ADAM20: variants seen among roughly 807,000 people sequenced by gnomAD.
ADAM20 encodes the protein disintegrin and metalloproteinase domain-containing protein 20.
For synonymous variants in ADAM20, 305 were observed against 310.2 expected (o/e 0.98, Z 0.18); for missense variants, 871 against 883.2 (o/e 0.99, Z 0.18).
chr14:70,558,476 T>G, the ADAM20 span, among the ~76,000 whole-genome samples: 1 of 152,120 alleles, frequency 6.6e-6, no homozygotes, highest in Non-Finnish European at 1.5e-5. Flanking sequence ...CTGTGTGTTA[T>G]ACATGTATGA....
At chr14:70,574,221 C>G in the ADAM20 span, among the ~76,000 whole-genome samples, 3 of 152,118 alleles carry the variant, frequency 2.0e-5, no homozygotes, top group African/African-American at 7.2e-5. Flanking sequence ...AATTAATACT[C>G]CTGAACTACC....
chr14:70,529,625 G>A (rs1468991307), intron 1 of ADAM20, among the ~76,000 whole-genome samples: 1 of 152,122 alleles, frequency 6.6e-6, no homozygotes, highest in East Asian at 1.9e-4. Context: ...AAGTATTTGT[G>A]TATATAAACA....
the ADAM20 span, among the ~76,000 whole-genome samples, chr14:70,553,812 A>T: frequency 6.6e-6 from 1 of 152,104 alleles, no homozygotes; most frequent in Non-Finnish European, 1.5e-5. Context: ...ACCATATATG[A>T]CAGACCCACA....
chr14:70,571,314 G>C, the ADAM20 span, among the ~76,000 whole-genome samples: 2 of 152,164 alleles, frequency 1.3e-5, no homozygotes, highest in African/African-American at 2.4e-5. Flanking sequence ...TGAATCATGG[G>C]GGTGGTTACC....
chr14:70,569,639 A>G, the ADAM20 span, among the ~76,000 whole-genome samples: 1 of 152,170 alleles, frequency 6.6e-6, no homozygotes, highest in Non-Finnish European at 1.5e-5. Context: ...TGTAGCACAT[A>G]AAACAGACTT....
rs773132300 is a variant in ADAM20, at chr14:70,523,731, C to G, written c.1027G>C (p.Glu343Gln). The stretch of plus-strand genomic sequence containing the variant: ...TGCATACCCAAATTATGACCAAGCT[C>G]GTGGCCCAAAGTAATTGCAAAAACG... ...LVVFAITLGH[E>Q]LGHNLGMQHD... is the part of the protein sequence containing the mutation. Residue 343 changes from glutamate (E) to glutamine (Q), a missense_variant, in exon 2 of 2, where the codon GAG becomes CAG. Coordinates refer to ENST00000256389, the MANE Select transcript of ADAM20 (RefSeq NM_003814.5). The G allele has an allele frequency of 5.6e-6, 9 of 1,613,910 alleles. No individual in the cohort carries two copies. Among genetic ancestry groups the G allele is most frequent in the Non-Finnish European group, 5.1e-6 (6 of 1,179,984 alleles).
intron 1 of ADAM20, among the ~76,000 whole-genome samples, chr14:70,530,965 G>T (rs60870618): frequency 6.6e-6 from 1 of 151,114 alleles, no homozygotes; most frequent in African/African-American, 2.4e-5. Flanking sequence ...AAACTACGCT[G>T]AAAGTCAACA....
At position 70,524,545 on chromosome 14, in the gene ADAM20, T is replaced by A; in HGVS notation, c.213A>T (p.Arg71Ser). ...TATTTACCCTCATGTGGACAATGTATCTCTGTCCCCCAAACCGCAGGCTAT... is the reference window on the plus strand; with the variant it reads ...TATTTACCCTCATGTGGACAATGTAACTCTGTCCCCCAAACCGCAGGCTAT... ...LSYSLRFGGQRYIVHMRVNKL... is the reference protein window; with the variant it reads ...LSYSLRFGGQSYIVHMRVNKL... Residue 71 changes from arginine to serine, a missense_variant, in exon 2 of 2, where the codon AGA (arginine) becomes AGT (serine). Coordinates refer to ENST00000256389, the MANE Select transcript of ADAM20 (RefSeq NM_003814.5). The A allele has an allele frequency of 6.2e-7, 1 of 1,613,986 alleles. No individual in the cohort carries two copies. The highest frequency in any genetic ancestry group is 1.7e-4 in the Middle Eastern group (1 of 6,056).
intron 1 of ADAM20, among the ~76,000 whole-genome samples, chr14:70,527,573 C>T (rs1415630388): frequency 1.3e-5 from 2 of 152,162 alleles, no homozygotes; most frequent in Non-Finnish European, 2.9e-5. Context: ...CTTTTAATGG[C>T]CACGCTCATC....
At chr14:70,565,780 G>C in the ADAM20 span, among the ~76,000 whole-genome samples, 1 of 152,182 alleles carries the variant, frequency 6.6e-6, no homozygotes, top group Non-Finnish European at 1.5e-5. Context: ...ATCTACAGCT[G>C]ATGTAAAGTA....
chr14:70,522,456 G>T lies in ADAM20; in HGVS notation c.*121C>A. 1 of 1,022,362 alleles carries T rather than the reference G, an allele frequency of 9.8e-7. No homozygotes were observed. The highest frequency in any genetic ancestry group is 1.4e-6 in the Non-Finnish European group (1 of 721,136). The allele number at this position is 1,022,362 out of a possible 1,614,324, so 63.3% of individuals were successfully genotyped here. A position where few individuals can be genotyped will look rare whatever the true frequency, so the allele number is the denominator to read the frequency against. On this transcript the variant is annotated 3_prime_UTR_variant, in exon 2 of 2. Coordinates refer to ENST00000256389, the MANE Select transcript of ADAM20 (RefSeq NM_003814.5). Reference sequence around the variant, plus strand: ...TGTGATAGCTAATGCTTGCAATCCTGACATGAAATGTCCATGAAGTTTTAT... The same window carrying T: ...TGTGATAGCTAATGCTTGCAATCCTTACATGAAATGTCCATGAAGTTTTAT...
chr14:70,560,534 A>C, the ADAM20 span, among the ~76,000 whole-genome samples: 1 of 152,184 alleles, frequency 6.6e-6, no homozygotes, highest in African/African-American at 2.4e-5. Flanking sequence ...AAAATTATAA[A>C]ATTTTTTCAA....
At chr14:70,577,904 T>C in the ADAM20 span, among the ~76,000 whole-genome samples, 280 of 152,270 alleles carry the variant, frequency 1.8e-3, 2 homozygotes, top group Non-Finnish European at 3.1e-3. Context: ...GAACTAAATG[T>C]AAGCGCTTAA....
intron 1 of ADAM20, among the ~76,000 whole-genome samples, chr14:70,528,539 G>A (rs571225511): frequency 6.6e-6 from 1 of 152,280 alleles, no homozygotes; most frequent in Admixed American, 6.5e-5. Context: ...CATATGTCCA[G>A]GTAGAATTGG....
At chr14:70,555,603 C>G in the ADAM20 span, among the ~76,000 whole-genome samples, 1 of 152,126 alleles carries the variant, frequency 6.6e-6, no homozygotes, top group Admixed American at 6.5e-5. Flanking sequence ...TCTGTGGAAA[C>G]AACTTATTGA....
chr14:70,533,054 C>A (rs887379287), intron 1 of ADAM20, among the ~76,000 whole-genome samples: 2 of 152,090 alleles, frequency 1.3e-5, no homozygotes, highest in Non-Finnish European at 2.9e-5. Context: ...CTTCTGATAC[C>A]ATCTCATGCC....
rs1883476082 is a variant in ADAM20 at position 70,522,642 on chromosome 14, A to G, written c.2116T>C (p.Leu706=). 6.2e-7 allele frequency: 1 copy of G among 1,613,744 alleles called. No individual in the cohort carries two copies. Among genetic ancestry groups the G allele is most frequent in the Non-Finnish European group, 8.5e-7 (1 of 1,179,888 alleles). The change falls in exon 2 of 2, where the codon TTA becomes CTA. Residue 706 remains leucine (L), a synonymous_variant. Transcript: ENST00000256389. ...LLCLLPLVAF[L]LFCLHVLFKK... Reference sequence around the variant, plus strand: ...AAAAGCACATGTAAGCAAAATAATAAAAAAGCAACCAAAGGAAGAAGGCAC... The same window carrying G: ...AAAAGCACATGTAAGCAAAATAATAGAAAAGCAACCAAAGGAAGAAGGCAC...
chr14:70,549,188 C>T, the ADAM20 span, among the ~76,000 whole-genome samples: 899 of 102,030 alleles, frequency 8.8e-3, 10 homozygotes, highest in Non-Finnish European at 0.013. Flanking sequence ...CGGTACCAGC[C>T]GCTGCAAAAT....
chr14:70,526,330 T>A (rs1054052386), intron 1 of ADAM20, among the ~76,000 whole-genome samples: 2 of 152,100 alleles, frequency 1.3e-5, no homozygotes, highest in African/African-American at 4.8e-5. Context: ...AAAACCTCTA[T>A]CCCTCCATGT....
Sources: allele counts gnomAD v4.1 joint callset (sites outside exome capture counted in the v4.1 genomes callset), GRCh38; gene constraint gnomAD v4.1.1; transcripts MANE v1.5; gene names NCBI Gene and HGNC (gene_info 2026-07-23, HGNC 2026-07-21).